DOK6: variants seen among roughly 807,000 people sequenced by gnomAD.
DOK6 encodes the protein docking protein 6.
Under a neutral mutation model 44.0 loss-of-function variants are expected in DOK6, and 22 were observed. The observed-to-expected ratio is 0.50, with a 90% confidence interval of 0.36 to 0.71. The LOEUF (loss-of-function observed/expected upper bound fraction) is 0.71, where lower values mean the gene tolerates loss of function less well. DOK6 is among the 30% of genes least tolerant of loss of function. DOK6 has a pLI of 0.00. For missense variants in DOK6, 340 were observed against 416.4 expected, an observed-to-expected ratio of 0.82 and a Z score of 1.60; for synonymous variants, 166 against 145.5, an observed-to-expected ratio of 1.14 and a Z score of -1.01.
At chr18:69,701,336 A>G (rs1002594210) in intron 5 of DOK6, among the ~76,000 whole-genome samples, 1 of 152,252 alleles carries the variant, frequency 6.6e-6, no homozygotes, top group Non-Finnish European at 1.5e-5. Flanking sequence ...CTCTTTTACC[A>G]TAAGGATCAT....
intron 7 of DOK6, among the ~76,000 whole-genome samples, chr18:69,771,902 C>T (rs1365728493): frequency 6.8e-6 from 1 of 146,202 alleles, no homozygotes; most frequent in African/African-American, 2.5e-5. Flanking sequence ...GAAAATACAT[C>T]AAAATGATGA....
At chr18:69,473,486 T>A (rs1456652526) in intron 1 of DOK6, among the ~76,000 whole-genome samples, 1 of 152,188 alleles carries the variant, frequency 6.6e-6, no homozygotes, top group Non-Finnish European at 1.5e-5. Context: ...GGCTTAGTGG[T>A]CCCTGTTAAC....
chr18:69,444,911 A>C (rs1979240273), intron 1 of DOK6, among the ~76,000 whole-genome samples: 1 of 152,076 alleles, frequency 6.6e-6, no homozygotes, highest in Admixed American at 6.6e-5. Flanking sequence ...TCTGTAGATC[A>C]CTTGTGGCAG....
Position 69,791,112 on chromosome 18 carries a change from A to ATTTTT in DOK6, c.856+33241_856+33242insTTTTT, listed in dbSNP as rs558832925. Among the ~76,000 whole-genome samples the ATTTTT allele has an allele frequency of 7.1e-3, 1,078 of 152,218 alleles. 14 individuals carry two copies. Among genetic ancestry groups the ATTTTT allele is most frequent in the African/African-American group, 0.025 (1,029 of 41,542 alleles). On this transcript the variant is annotated intron_variant, in intron 7 of 7. Transcript: ENST00000382713. Reference sequence around the variant, plus strand: ...ATGTTGTTACCAATGACAGGATCTCATTCTTTTTTATAGCTGAATATGTCT... The same window carrying ATTTTT: ...ATGTTGTTACCAATGACAGGATCTCATTTTTTTCTTTTTTATAGCTGAATATGTCT...
intron 7 of DOK6, among the ~76,000 whole-genome samples, chr18:69,817,819 A>T (rs780817474): frequency 6.6e-6 from 1 of 152,188 alleles, no homozygotes; most frequent in Non-Finnish European, 1.5e-5. Flanking sequence ...CACACGCTAG[A>T]TGCAACATGA....
chr18:69,701,374 C>T (rs1330905460), intron 5 of DOK6, among the ~76,000 whole-genome samples: 1 of 152,214 alleles, frequency 6.6e-6, no homozygotes, highest in Non-Finnish European at 1.5e-5. Context: ...GTAGAAACAA[C>T]CAATTTGCCA....
chr18:69,756,815 T>C (rs538795231), intron 6 of DOK6, among the ~76,000 whole-genome samples: 3 of 152,280 alleles, frequency 2.0e-5, no homozygotes, highest in African/African-American at 7.2e-5. Flanking sequence ...ACAGAGATGA[T>C]CTTTGCAACT....
chr18:69,404,422 C>T (rs545344963), intron 1 of DOK6, among the ~76,000 whole-genome samples: 2 of 152,252 alleles, frequency 1.3e-5, no homozygotes, highest in South Asian at 4.2e-4. Flanking sequence ...GGTTTGCAGC[C>T]AAACTAAGAA....
chr18:69,792,853 T>G (rs1980639227), intron 7 of DOK6, among the ~76,000 whole-genome samples: 1 of 152,096 alleles, frequency 6.6e-6, no homozygotes, highest in South Asian at 2.1e-4. Context: ...TAAATCGTCC[T>G]TCAGGAGATA....
intron 6 of DOK6, among the ~76,000 whole-genome samples, chr18:69,743,288 G>T (rs1978866217): frequency 6.6e-6 from 1 of 152,112 alleles, no homozygotes; most frequent in Admixed American, 6.5e-5. Flanking sequence ...CCATTTCACA[G>T]AGATCATTCT....
intron 7 of DOK6, among the ~76,000 whole-genome samples, chr18:69,822,104 C>G (rs1190294588): frequency 6.6e-6 from 1 of 152,122 alleles, no homozygotes. Context: ...TAAATTATCT[C>G]ATTAAGACTT....
At chr18:69,659,837 AC>A (rs1985467174) in intron 3 of DOK6, 1 of 48,246 alleles carries the variant, frequency 2.1e-5, no homozygotes, top group Non-Finnish European at 4.2e-5. Context: ...TATATATATA[AC>A]ATATATGTAT....
intron 1 of DOK6, among the ~76,000 whole-genome samples, chr18:69,494,115 T>A (rs534546351): frequency 2.6e-5 from 4 of 152,356 alleles, no homozygotes; most frequent in East Asian, 1.9e-4. Context: ...GTATTTTTTG[T>A]CTTGCACAAT....
chr18:69,825,760 T>C (rs971968190), intron 7 of DOK6, among the ~76,000 whole-genome samples: 1 of 152,050 alleles, frequency 6.6e-6, no homozygotes, highest in Non-Finnish European at 1.5e-5. Context: ...TTCACAATTA[T>C]GAAACGAAAG....
At chr18:69,458,005 T>C (rs1424872220) in intron 1 of DOK6, among the ~76,000 whole-genome samples, 1 of 152,084 alleles carries the variant, frequency 6.6e-6, no homozygotes, top group Non-Finnish European at 1.5e-5. Context: ...TTGCTGGGCG[T>C]GGTGGCGCAT....
chr18:69,774,624 A>G (rs921622960), intron 7 of DOK6, among the ~76,000 whole-genome samples: 1 of 152,026 alleles, frequency 6.6e-6, no homozygotes, highest in African/African-American at 2.4e-5. Context: ...TCACAAGTGC[A>G]GAGAAAATGA....
At chr18:69,465,203 A>C (rs1599143558) in intron 1 of DOK6, among the ~76,000 whole-genome samples, 2 of 152,154 alleles carry the variant, frequency 1.3e-5, no homozygotes, top group Admixed American at 1.3e-4. Flanking sequence ...TTAGAATATA[A>C]AATAATGGAA....
intron 3 of DOK6, among the ~76,000 whole-genome samples, chr18:69,674,251 G>T (rs922906197): frequency 6.6e-6 from 1 of 152,148 alleles, no homozygotes; most frequent in Non-Finnish European, 1.5e-5. Flanking sequence ...TTGTCTAAAA[G>T]TCAAAGAAAT....
At chr18:69,665,617 A>G (rs1320470765) in intron 3 of DOK6, among the ~76,000 whole-genome samples, 1 of 152,178 alleles carries the variant, frequency 6.6e-6, no homozygotes, top group Non-Finnish European at 1.5e-5. Context: ...TTTAGGAGCT[A>G]AGAAACTTCT....
Sources: gnomAD v4.1 joint callset for allele counts (sites outside exome capture counted in the v4.1 genomes callset) on GRCh38, gnomAD v4.1.1 for gene constraint, MANE v1.5 for transcripts, NCBI Gene and HGNC (gene_info 2026-07-23, HGNC 2026-07-21) for gene names.